DSE: variants seen among roughly 807,000 people sequenced by gnomAD.
The protein encoded by DSE is dermatan sulfate epimerase.
A neutral mutation model predicts 84.4 loss-of-function variants in DSE; 36 were observed. The observed-to-expected ratio is 0.43, with a 90% CI of 0.33 to 0.56. The LOEUF (loss-of-function observed/expected upper bound fraction) is 0.56. Ranked by LOEUF, DSE falls within the 20% of genes least tolerant of loss-of-function variation. The pLI is 0.06. For synonymous variants in DSE, 410 were observed against 430.1 expected, an observed-to-expected ratio of 0.95 and a Z score of 0.58; for missense variants, 862 against 1,169.6, an observed-to-expected ratio of 0.74 and a Z score of 3.84.
intron 1 of DSE, chr6:116,255,970 G>A (rs951499784): frequency 6.6e-5 from 10 of 152,122 alleles, no homozygotes; most frequent in African/African-American, 2.4e-4. Context: ...TCTGTCACCT[G>A]AATCATTTTT....
rs115508751 is a variant in DSE, at chr6:116,388,281, G to C, written c.-53-10917G>C. Among the ~76,000 whole-genome samples the C allele has an allele frequency of 6.4e-3, 975 of 152,254 alleles. 10 individuals carry two copies. Among genetic ancestry groups the C allele is most frequent in the African/African-American group, 0.022 (926 of 41,544 alleles). On this transcript the variant is annotated intron_variant, in intron 1 of 5. Coordinates refer to ENST00000644252, the MANE Select transcript of DSE (RefSeq NM_013352.4). ...TGTAAATCCCAGGCAAAGGACAGGA[G>C]AAGACCAATGTTCCAGCCCAAGCAG...
upstream of DSE, chr6:116,370,863 C>T: frequency 1.0e-6 from 1 of 985,810 alleles, no homozygotes; most frequent in Non-Finnish European, 1.2e-6. Context: ...TTTCCTCCCC[C>T]CTCCAGCGGA....
At chr6:116,296,216 C>T (rs1187096772) in intron 2 of DSE, among the ~76,000 whole-genome samples, 1 of 152,176 alleles carries the variant, frequency 6.6e-6, no homozygotes, top group East Asian at 1.9e-4. Flanking sequence ...TTCAAATCAT[C>T]TCTACATTAT....
intron 2 of DSE, among the ~76,000 whole-genome samples, chr6:116,265,591 A>G (rs1014513487): frequency 6.6e-6 from 1 of 152,032 alleles, no homozygotes; most frequent in Non-Finnish European, 1.5e-5. Context: ...TGGCCACCCC[A>G]CTGGAGCTCC....
chr6:116,270,314 A>G (rs1356861614), intron 2 of DSE, among the ~76,000 whole-genome samples: 1 of 152,182 alleles, frequency 6.6e-6, no homozygotes, highest in Non-Finnish European at 1.5e-5. Context: ...CAACAAGAGC[A>G]TGTTGTACCA....
upstream of DSE, chr6:116,370,746 G>A (rs980328257): frequency 2.2e-5 from 19 of 879,570 alleles, no homozygotes; most frequent in Admixed American, 6.2e-5. Context: ...CGGGAGAGGA[G>A]GAGCGGGAGA....
At position 116,436,382 on chromosome 6, in the gene DSE, C is replaced by G. The variant is rs200111859; in HGVS notation, c.1914C>G (p.Gly638=). 6 of 1,614,034 alleles carry G rather than the reference C, an allele frequency of 3.7e-6. No homozygotes were observed. The highest frequency in any genetic ancestry group is 1.3e-5 in the African/African-American group (1 of 74,908). Residue 638 remains glycine (G), a synonymous_variant, in exon 6 of 6, where the codon GGC becomes GGG. Coordinates refer to ENST00000644252, the MANE Select transcript of DSE (RefSeq NM_013352.4). ...ATFASVTYPR[G]YPYNGTNYVN... The stretch of plus-strand genomic sequence containing the variant: ...TTGCCTCAGTGACATATCCTCGGGG[C>G]TATCCCTACAATGGGACAAACTATG...
At chr6:116,409,428 C>G (rs1316894957) in intron 2 of DSE, among the ~76,000 whole-genome samples, 1 of 152,138 alleles carries the variant, frequency 6.6e-6, no homozygotes, top group Non-Finnish European at 1.5e-5. Flanking sequence ...CAGGTGCCCA[C>G]CACCACGCCT....
At position 116,299,559 on chromosome 6, in the gene DSE, C is replaced by CAT. The variant is rs1774907428; in HGVS notation, c.-54+40593_-54+40594insTA. Among the ~76,000 whole-genome samples, 6 of 48,880 alleles carry CAT rather than the reference C, an allele frequency of 1.2e-4. 1 individual carries two copies. The highest frequency in any genetic ancestry group is 2.7e-3 in the South Asian group (2 of 740). The allele number at this position is 48,880 out of a possible 152,430, so 32.1% of individuals were successfully genotyped here. On this transcript the variant is annotated intron_variant, in intron 2 of 3. Coordinates refer to the DSE transcript ENST00000430252. Reference sequence around the variant, plus strand: ...ATATATATATATATATATACACATACACACACACACACACATACATATATA... The same window carrying CAT: ...ATATATATATATATATATACACATACATACACACACACACACATACATATATA...
At chr6:116,270,513 A>T (rs1772833301) in intron 2 of DSE, among the ~76,000 whole-genome samples, 1 of 152,158 alleles carries the variant, frequency 6.6e-6, no homozygotes, top group Non-Finnish European at 1.5e-5. Context: ...ACATCTCAGC[A>T]GCCAAACTCC....
chr6:116,279,477 G>A lies in DSE; in HGVS notation c.-54+20510G>A, dbSNP rs751588445. On this transcript the variant is annotated intron_variant, in intron 2 of 3. Transcript: ENST00000430252. ...CCTGAACGCCCTTTTTCAGGCTGCG[G>A]TCGGCTGCCATCACCACAGAAGCGG... 17 of 1,612,312 alleles carry A rather than the reference G, an allele frequency of 1.1e-5. 1 individual carries two copies. In the Admixed American group the frequency reaches 2.5e-4, roughly 24 times the overall value.
chr6:116,338,287 A>G, intron 2 of DSE, among the ~76,000 whole-genome samples: 1 of 139,458 alleles, frequency 7.2e-6, no homozygotes, highest in East Asian at 2.0e-4. Context: ...CAGTGGTGCA[A>G]TCTCGGCTCA....
intron 2 of DSE, among the ~76,000 whole-genome samples, chr6:116,270,210 C>T (rs999185193): frequency 6.6e-6 from 1 of 152,122 alleles, no homozygotes; most frequent in Non-Finnish European, 1.5e-5. Context: ...TCAATGCTCA[C>T]CTTGAAATTA....
intron 2 of DSE, among the ~76,000 whole-genome samples, chr6:116,297,247 A>G (rs1002087747): frequency 6.6e-6 from 1 of 152,068 alleles, no homozygotes; most frequent in Non-Finnish European, 1.5e-5. Flanking sequence ...CTAAAGTCAG[A>G]TGGGAGTTGG....
chr6:116,426,472 T>C lies in DSE; in HGVS notation c.417-102T>C, dbSNP rs73767765. 3.5e-4 allele frequency: 515 copies of C among 1,467,166 alleles called. 2 individuals are homozygous for C. The African/African-American group carries it at 6.8e-3, about 19-fold the overall frequency. 90.9% of individuals were successfully genotyped at this position (1,467,166 alleles called of 1,614,324 possible). ...TGTGTCATTAAGCCCTTGGATTATA[T>C]CTTCAAGTGTGCCCTTTAGTTCTGA... On this transcript the variant is annotated intron_variant, in intron 2 of 5. Coordinates refer to ENST00000644252, the MANE Select transcript of DSE (RefSeq NM_013352.4).
chr6:116,318,515 A>G (rs201340183), intron 2 of DSE, among the ~76,000 whole-genome samples: 832 of 8,166 alleles, frequency 0.1, 10 homozygotes, highest in East Asian at 0.26. Flanking sequence ...AGAAAAAAAA[A>G]AAAGAAAGAG....
chr6:116,285,880 A>G (rs1773871599), intron 2 of DSE, among the ~76,000 whole-genome samples: 1 of 151,904 alleles, frequency 6.6e-6, no homozygotes. Flanking sequence ...ATTGGTCTAT[A>G]TCTCTGTTTT....
intron 1 of DSE, among the ~76,000 whole-genome samples, chr6:116,376,064 G>A (rs1779904100): frequency 6.6e-6 from 1 of 152,040 alleles, no homozygotes. Flanking sequence ...TTTTCCTGTT[G>A]TCTACTTTAT....
At chr6:116,398,548 G>GCTTGCTGAT (rs1469111978) in intron 1 of DSE, among the ~76,000 whole-genome samples, 1 of 152,148 alleles carries the variant, frequency 6.6e-6, no homozygotes, top group Non-Finnish European at 1.5e-5. Flanking sequence ...CACTGTGTTT[G>GCTTGCTGAT]GTCTTCACTA....
Sources: gnomAD v4.1 joint callset for allele counts (sites outside exome capture counted in the v4.1 genomes callset) on GRCh38, gnomAD v4.1.1 for gene constraint, MANE v1.5 for transcripts, NCBI Gene and HGNC (gene_info 2026-07-23, HGNC 2026-07-21) for gene names.